Variants in COL13A1 observed in about 807,000 individuals in gnomAD.
COL13A1 encodes collagen type XIII alpha 1 chain.
COL13A1 carries 89 observed loss-of-function variants against 130.9 expected under a neutral mutation model. The observed-to-expected ratio is 0.68, with a 90% CI of 0.57 to 0.81. COL13A1 has a LOEUF of 0.81. Ranked by LOEUF, COL13A1 falls within the 30% of genes least tolerant of loss-of-function variation. The probability of loss-of-function intolerance (pLI) is 0.00; values close to 1 mark genes in which losing one functional copy is unlikely to be tolerated. For missense variants in COL13A1, 879 were observed against 934.6 expected, an observed-to-expected ratio of 0.94 and a Z score of 0.78; for synonymous variants, 402 against 341.6, an observed-to-expected ratio of 1.18 and a Z score of -1.95.
At chr10:69,922,820 G>A (rs775888707) in intron 23 of COL13A1, 26 bp downstream of exon 23, 8 of 1,504,912 alleles carry the variant, frequency 5.3e-6, no homozygotes, top group Non-Finnish European at 7.2e-6. Context: ...AATTGGTGTT[G>A]GGGAGGTGCT....
At chr10:69,950,326 G>A (rs1375494619) in intron 38 of COL13A1, among the ~76,000 whole-genome samples, 3 of 152,116 alleles carry the variant, frequency 2.0e-5, no homozygotes, top group African/African-American at 7.2e-5. Flanking sequence ...CAGGGAGAAC[G>A]CAGGCAACGT....
intron 17 of COL13A1, 135 bp from the exon 18 acceptor site, chr10:69,917,154 G>A (rs554696755): frequency 3.8e-6 from 4 of 1,039,620 alleles, no homozygotes; most frequent in African/African-American, 3.2e-5. Context: ...CTGCCACCAG[G>A]GCAGGGTCCT....
At chr10:69,831,329 C>T (rs796958079) in intron 2 of COL13A1, among the ~76,000 whole-genome samples, 57 of 152,304 alleles carry the variant, frequency 3.7e-4, no homozygotes, top group African/African-American at 1.3e-3. Context: ...TGACACCTGA[C>T]CCCCTCTGTG....
At chr10:69,823,924 C>T (rs766517981) in intron 2 of COL13A1, among the ~76,000 whole-genome samples, 2 of 152,104 alleles carry the variant, frequency 1.3e-5, no homozygotes, top group Non-Finnish European at 1.5e-5. Context: ...AGAGACCGTT[C>T]GCATCAGGGC....
chr10:69,873,034 TAC>T (rs897495751), intron 4 of COL13A1, among the ~76,000 whole-genome samples: 1 of 152,110 alleles, frequency 6.6e-6, no homozygotes, highest in Non-Finnish European at 1.5e-5. Context: ...TGGGTATGTG[TAC>T]CGGGTATGTG....
chr10:69,904,905 C>CTTTTTTTTTTTTTTT (rs60054259), intron 15 of COL13A1, 28 bp from the exon 16 acceptor site: 34 of 1,475,802 alleles, frequency 2.3e-5, no homozygotes, highest in Admixed American at 1.5e-4. Flanking sequence ...TTTCTTTTTT[C>CTTTTTTTTTTTTTTT]TTTTTTTTTT....
At chr10:69,851,443 C>T (rs1279495939) in intron 2 of COL13A1, among the ~76,000 whole-genome samples, 1 of 152,192 alleles carries the variant, frequency 6.6e-6, no homozygotes, top group South Asian at 2.1e-4. Flanking sequence ...TGCTTCATTT[C>T]ATGTCCATTT....
At chr10:69,877,697 T>TCACACA (rs1298084811) in intron 5 of COL13A1, 253 of 99,850 alleles carry the variant, frequency 2.5e-3, no homozygotes, top group Middle Eastern at 3.6e-3. Flanking sequence ...TCTCTCTCTC[T>TCACACA]CTCACACACA....
chr10:69,897,524 C>T lies in COL13A1; in HGVS notation c.685-1173C>T. On this transcript the variant is annotated intron_variant, in intron 13 of 40. Coordinates refer to ENST00000645393, the MANE Select transcript of COL13A1 (RefSeq NM_001368882.1). ...GCTCTGCGCTCCAGCCAAATAATTG[C>T]CCTGAAGGTTTGTAGGTTCTGGAAG... 6.2e-7 allele frequency: 1 copy of T among 1,613,940 alleles called. No homozygotes were observed.
At chr10:69,901,377 G>A (rs1025445518) in intron 14 of COL13A1, among the ~76,000 whole-genome samples, 1 of 152,210 alleles carries the variant, frequency 6.6e-6, no homozygotes, top group Non-Finnish European at 1.5e-5. Context: ...AGGTCTTGCT[G>A]AAAGCTTACA....
intron 36 of COL13A1, 71 bp downstream of exon 36, chr10:69,944,249 T>C: frequency 7.8e-7 from 1 of 1,288,686 alleles, no homozygotes; most frequent in Non-Finnish European, 1.1e-6. Context: ...ACACCAGGGG[T>C]CTCAGCCCTC....
At chr10:69,929,056 C>T in intron 28 of COL13A1, 57 bp downstream of exon 28, 1 of 1,357,964 alleles carries the variant, frequency 7.4e-7, no homozygotes. Context: ...GACCCCAGGG[C>T]TTCCCCTCCC....
chr10:69,871,524 C>T (rs565064715), intron 3 of COL13A1, among the ~76,000 whole-genome samples: 13 of 152,314 alleles, frequency 8.5e-5, no homozygotes, highest in South Asian at 4.1e-4. Flanking sequence ...CCACCATTGA[C>T]GGGATGTCCT....
At chr10:69,833,587 A>G (rs371546969) in intron 2 of COL13A1, among the ~76,000 whole-genome samples, 9 of 152,094 alleles carry the variant, frequency 5.9e-5, no homozygotes, top group African/African-American at 2.2e-4. Flanking sequence ...AGGAGTGACT[A>G]CTCCTGAAGG....
chr10:69,952,445 T>C (rs2069736765), intron 38 of COL13A1, among the ~76,000 whole-genome samples: 1 of 152,230 alleles, frequency 6.6e-6, no homozygotes, highest in Admixed American at 6.5e-5. Context: ...AAAATCACCT[T>C]GCCTCCTAAT....
At chr10:69,895,339 A>T (rs2061532575) in intron 12 of COL13A1, among the ~76,000 whole-genome samples, 1 of 152,166 alleles carries the variant, frequency 6.6e-6, no homozygotes, top group African/African-American at 2.4e-5. Context: ...GGCCACTTCC[A>T]GGCAGGCCAT....
At position 69,930,073 on chromosome 10, in the gene COL13A1, C is replaced by T; in HGVS notation, c.1516C>T (p.His506Tyr). The change falls in exon 29 of 41, where the codon CAC becomes TAC. Residue 506 changes from histidine (H) to tyrosine (Y), a missense_variant. By Grantham distance (83) the His-to-Tyr change is moderately conservative. Transcript: ENST00000645393. ...GEIGLPGPPG[H>Y]DGEKGPRGKP... Reference sequence around the variant, plus strand: ...GATTGGACTGCCAGGCCCTCCAGGACACGATGGGGAAAAGGTATGAACAGA... The same window carrying T: ...GATTGGACTGCCAGGCCCTCCAGGATACGATGGGGAAAAGGTATGAACAGA... 6.2e-7 allele frequency: 1 copy of T among 1,613,846 alleles called. No homozygotes were observed. Among genetic ancestry groups the T allele is most frequent in the Non-Finnish European group, 8.5e-7 (1 of 1,179,830 alleles).
At chr10:69,940,530 G>C (rs1041707037) in intron 34 of COL13A1, among the ~76,000 whole-genome samples, 5 of 152,162 alleles carry the variant, frequency 3.3e-5, no homozygotes, top group Admixed American at 2.6e-4. Context: ...GATCCAAACA[G>C]GAATGCAAAG....
At chr10:69,890,395 G>A (rs1428616339) in intron 10 of COL13A1, among the ~76,000 whole-genome samples, 3 of 152,240 alleles carry the variant, frequency 2.0e-5, no homozygotes, top group African/African-American at 4.8e-5. Flanking sequence ...GGGCTGGGGT[G>A]CATTTCTGCC....
Sources: gnomAD v4.1 joint callset for allele counts (sites outside exome capture counted in the v4.1 genomes callset) on GRCh38, gnomAD v4.1.1 for gene constraint, MANE v1.5 for transcripts, NCBI Gene and HGNC (gene_info 2026-07-23, HGNC 2026-07-21) for gene names.